NWD2: variants seen among roughly 807,000 people sequenced by gnomAD.
NWD2 encodes the protein NACHT and WD repeat domain-containing protein 2.
In NWD2, 37 loss-of-function variants were observed where a neutral mutation model predicts 132.7. The observed-to-expected ratio is 0.28, with a 90% CI of 0.21 to 0.37. The LOEUF (loss-of-function observed/expected upper bound fraction) is 0.37. NWD2 is among the 10% of genes least tolerant of loss of function. The pLI is 1.00. For synonymous variants in NWD2, 705 were observed against 803.0 expected (o/e 0.88, Z 2.06); for missense variants, 1,592 against 2,122.4 (o/e 0.75, Z 4.91).
At chr4:37,361,283 C>T (rs1009481809) in intron 3 of NWD2, among the ~76,000 whole-genome samples, 2 of 151,996 alleles carry the variant, frequency 1.3e-5, no homozygotes, top group Non-Finnish European at 2.9e-5. Flanking sequence ...GAAACTATTC[C>T]AAAAACTTAA....
intron 1 of NWD2, among the ~76,000 whole-genome samples, chr4:37,290,945 G>T (rs1718348616): frequency 1.3e-5 from 2 of 152,148 alleles, no homozygotes; most frequent in African/African-American, 4.8e-5. Flanking sequence ...TAGAATTAAG[G>T]AATGATATGA....
chr4:37,405,383 G>A (rs1002437955), intron 3 of NWD2, among the ~76,000 whole-genome samples: 2 of 151,514 alleles, frequency 1.3e-5, no homozygotes, highest in Admixed American at 6.6e-5. Context: ...AAATCATTCT[G>A]TCTAGTAGGT....
chr4:37,293,165 T>C lies in NWD2; in HGVS notation c.152-32771T>C, dbSNP rs187963999. Among the ~76,000 whole-genome samples, 71 of 152,350 alleles carry C rather than the reference T, an allele frequency of 4.7e-4. 2 individuals carry two copies. Among genetic ancestry groups the C allele is most frequent in the Admixed American group, 4.2e-3 (64 of 15,306 alleles). On this transcript the variant is annotated intron_variant, in intron 1 of 6. Coordinates refer to ENST00000309447, the MANE Select transcript of NWD2 (RefSeq NM_001144990.2). The stretch of plus-strand genomic sequence containing the variant: ...GCCAATATTTGTTGTTTTTTCACCC[T>C]TAATTTCCACATGGAATCAATTAGT...
chr4:37,322,345 G>T (rs1053855565), intron 1 of NWD2, among the ~76,000 whole-genome samples: 6 of 152,140 alleles, frequency 3.9e-5, no homozygotes, highest in Non-Finnish European at 8.8e-5. Flanking sequence ...CTCAGAGAAG[G>T]CCTCTCTGAG....
chr4:37,343,246 T>A (rs919724180), intron 2 of NWD2, among the ~76,000 whole-genome samples: 15 of 152,204 alleles, frequency 9.9e-5, no homozygotes, highest in African/African-American at 3.6e-4. Context: ...TAAAACAAAT[T>A]ATAATGAGTG....
intron 1 of NWD2, among the ~76,000 whole-genome samples, chr4:37,256,819 G>A (rs939256728): frequency 6.6e-6 from 1 of 152,162 alleles, no homozygotes. Context: ...AAAAGGATAA[G>A]AGCATTCATA....
intron 6 of NWD2, among the ~76,000 whole-genome samples, chr4:37,441,604 T>C (rs1420306086): frequency 1.3e-5 from 2 of 152,086 alleles, no homozygotes; most frequent in East Asian, 1.9e-4. Context: ...CTGTTCAGAG[T>C]TGGTCAGTTT....
intron 1 of NWD2, among the ~76,000 whole-genome samples, chr4:37,261,396 A>G (rs1412035225): frequency 6.6e-6 from 1 of 152,218 alleles, no homozygotes; most frequent in Non-Finnish European, 1.5e-5. Flanking sequence ...CAAGGTTGAC[A>G]TCTTAGGAGG....
chr4:37,310,953 G>A (rs1404592167), intron 1 of NWD2, among the ~76,000 whole-genome samples: 2 of 151,742 alleles, frequency 1.3e-5, no homozygotes, highest in Non-Finnish European at 2.9e-5. Context: ...TCCCTACAAA[G>A]GACATGAACT....
chr4:37,275,170 T>C (rs1037248940), intron 1 of NWD2, among the ~76,000 whole-genome samples: 2 of 152,158 alleles, frequency 1.3e-5, no homozygotes, highest in African/African-American at 4.8e-5. Flanking sequence ...TGATTGTATA[T>C]CTAGAAAACC....
At chr4:37,388,514 G>A (rs1720614740) in intron 3 of NWD2, among the ~76,000 whole-genome samples, 1 of 151,812 alleles carries the variant, frequency 6.6e-6, no homozygotes, top group African/African-American at 2.4e-5. Flanking sequence ...TGCTCTGCTG[G>A]TTTGAATTTT....
chr4:37,328,715 G>A (rs1719226825), intron 2 of NWD2, among the ~76,000 whole-genome samples: 1 of 152,148 alleles, frequency 6.6e-6, no homozygotes, highest in African/African-American at 2.4e-5. Flanking sequence ...ACATGTGCAT[G>A]TGTCTTTATG....
intron 2 of NWD2, among the ~76,000 whole-genome samples, chr4:37,346,271 T>C (rs1045955985): frequency 6.6e-6 from 1 of 152,214 alleles, no homozygotes; most frequent in African/African-American, 2.4e-5. Flanking sequence ...AAAAAGGTTA[T>C]GGATGTGACA....
intron 2 of NWD2, among the ~76,000 whole-genome samples, chr4:37,332,514 G>T (rs1719315746): frequency 6.6e-6 from 1 of 150,394 alleles, no homozygotes; most frequent in African/African-American, 2.5e-5. Context: ...TGACTAAAGA[G>T]CCATGATCTC....
chr4:37,430,859 G>C, intron 4 of NWD2, 84 bp downstream of exon 4: 1 of 1,237,062 alleles, frequency 8.1e-7, no homozygotes, highest in South Asian at 1.4e-5. Flanking sequence ...GTGCTGCACA[G>C]AAAAGGCAGA....
chr4:37,379,526 T>G (rs1357275341), intron 3 of NWD2, among the ~76,000 whole-genome samples: 1 of 152,112 alleles, frequency 6.6e-6, no homozygotes, highest in Non-Finnish European at 1.5e-5. Context: ...GTTTTATTAT[T>G]TAATCCTCTA....
chr4:37,255,002 C>T (rs1717485023), intron 1 of NWD2, among the ~76,000 whole-genome samples: 1 of 152,216 alleles, frequency 6.6e-6, no homozygotes, highest in African/African-American at 2.4e-5. Context: ...CAAAGAGTTT[C>T]TTGCCGCAGA....
At position 37,430,764 on chromosome 4, in the gene NWD2, A is replaced by G; in HGVS notation, c.550A>G (p.Asn184Asp). The G allele has an allele frequency of 1.3e-6, 2 of 1,551,506 alleles. No individual in the cohort carries two copies. Among genetic ancestry groups the G allele is most frequent in the Non-Finnish European group, 1.7e-6 (2 of 1,146,764 alleles). ...LRPKSEMLRSNRNAMQPSTNA... is the reference protein window; with the variant it reads ...LRPKSEMLRSDRNAMQPSTNA... ...ACCCAAGTCAGAAATGCTGAGAAGCAATAGAAATGCAGTAAGCTGCCTTTC... is the reference window on the plus strand; with the variant it reads ...ACCCAAGTCAGAAATGCTGAGAAGCGATAGAAATGCAGTAAGCTGCCTTTC... The change falls in exon 4 of 7, where the codon AAT (asparagine) becomes GAT (aspartate). Residue 184 changes from asparagine to aspartate, a missense_variant. Physicochemically the swap from Asn to Asp is conservative, Grantham distance 23. This residue lies in a region of NWD2 where 144 missense variants were observed against 185.7 expected (regional missense o/e 0.78). Transcript: ENST00000309447.
In NWD2 at chr4:37,443,188, A is replaced by G. The variant is rs1364459934; in HGVS notation, c.1297-97A>G. 1 of 1,082,618 alleles carries G rather than the reference A, an allele frequency of 9.2e-7. No homozygotes were observed. The highest frequency in any genetic ancestry group is 2.6e-5 in the East Asian group (1 of 38,532). 67.1% of individuals were successfully genotyped at this position (1,082,618 alleles called of 1,614,324 possible). On this transcript the variant is annotated intron_variant, in intron 6 of 6. Coordinates refer to ENST00000309447, the MANE Select transcript of NWD2 (RefSeq NM_001144990.2). The surrounding 1 kb of genome is among the most constrained non-coding windows in gnomAD (Gnocchi z 4.1). ...TCCTAAGCTATTTCCTGCACAGCAGAGGAGACCAGAAATCTGAGCTCTGGA... is the reference window on the plus strand; with the variant it reads ...TCCTAAGCTATTTCCTGCACAGCAGGGGAGACCAGAAATCTGAGCTCTGGA...
Sources: gnomAD v4.1 joint callset for allele counts (sites outside exome capture counted in the v4.1 genomes callset) on GRCh38, gnomAD v4.1.1 for gene constraint, gnomAD v4.1.1 regional missense constraint, Gnocchi (gnomAD v3.1) non-coding constraint, MANE v1.5 for transcripts, NCBI Gene and HGNC (gene_info 2026-07-23, HGNC 2026-07-21) for gene names.